PLCE1: variants seen among roughly 807,000 people sequenced by gnomAD.
The protein encoded by PLCE1 is phospholipase C epsilon 1.
In PLCE1, 119 loss-of-function variants were observed where a neutral mutation model predicts 242.8. That is an observed-to-expected ratio of 0.49 (90% CI 0.42 to 0.57). PLCE1 has a LOEUF of 0.57. PLCE1 is among the 20% of genes least tolerant of loss of function. The probability of loss-of-function intolerance (pLI) is 0.00; values close to 1 mark genes in which losing one functional copy is unlikely to be tolerated. For synonymous variants in PLCE1, 945 were observed against 1,017.4 expected (o/e 0.93, Z 1.35); for missense variants, 2,441 against 2,788.8 (o/e 0.88, Z 2.81).
Position 94,144,693 on chromosome 10 carries a change from G to A in PLCE1, c.1492+12234G>A, listed in dbSNP as rs112256616. Among the ~76,000 whole-genome samples, 1,518 of 152,204 alleles carry A rather than the reference G, an allele frequency of 1.0e-2. 30 individuals carry two copies. The highest frequency in any genetic ancestry group is 0.035 in the African/African-American group (1,443 of 41,516). On this transcript the variant is annotated intron_variant, in intron 3 of 32. Coordinates refer to ENST00000371380, the MANE Select transcript of PLCE1 (RefSeq NM_016341.4). ...AGAAGAGGGGCTGAAAGAGTGTCTG[G>A]GCAGAAGCAATCATATGTGCAAAGG...
intron 2 of PLCE1, among the ~76,000 whole-genome samples, chr10:94,102,759 C>T (rs957016985): frequency 9.9e-5 from 15 of 152,166 alleles, no homozygotes; most frequent in Non-Finnish European, 1.3e-4. Context: ...GGTGCCACGA[C>T]GGGTCTTATG....
chr10:94,101,202 C>A (rs2135489596), intron 2 of PLCE1, among the ~76,000 whole-genome samples: 1 of 152,338 alleles, frequency 6.6e-6, no homozygotes, highest in African/African-American at 2.4e-5. Context: ...CTGCGCACCT[C>A]ACCCCTGTGT....
intron 3 of PLCE1, among the ~76,000 whole-genome samples, chr10:94,166,508 C>G (rs2047807022): frequency 6.6e-6 from 1 of 151,800 alleles, no homozygotes; most frequent in Admixed American, 6.6e-5. Context: ...GAGATGCCTT[C>G]TAAAGTCAGA....
chr10:94,148,787 G>A (rs991165883), intron 3 of PLCE1, among the ~76,000 whole-genome samples: 5 of 152,220 alleles, frequency 3.3e-5, no homozygotes, highest in South Asian at 2.1e-4. Context: ...TCAGCAAAGC[G>A]TAGACGTCAT....
At chr10:94,300,725 A>G (rs1270812269) in intron 24 of PLCE1, among the ~76,000 whole-genome samples, 1 of 152,216 alleles carries the variant, frequency 6.6e-6, no homozygotes, top group Non-Finnish European at 1.5e-5. Context: ...TTTTTGGTCA[A>G]GATCTTTTCC....
At chr10:94,264,522 T>C (rs1000896360) in intron 14 of PLCE1, among the ~76,000 whole-genome samples, 1 of 138,486 alleles carries the variant, frequency 7.2e-6, no homozygotes, top group Non-Finnish European at 1.6e-5. Flanking sequence ...ATTTTTTTTT[T>C]TTTTTTTTTT....
rs766555881 is a variant in PLCE1 at position 94,294,909 on chromosome 10, C to CTTT, written c.5167+1292_5167+1294dup. 3.2e-3 allele frequency among the ~76,000 whole-genome samples: 324 copies of CTTT among 101,490 alleles called. 4 individuals carry two copies. The highest frequency in any genetic ancestry group is 6.6e-3 in the African/African-American group (169 of 25,462). The allele number at this position is 101,490 out of a possible 152,430, so 66.6% of individuals were successfully genotyped here. On this transcript the variant is annotated intron_variant, in intron 23 of 32. Transcript: ENST00000371380. ...TGATAGCATTTTACTCATGATAGAA[C>CTTT]TTTTTTTTTTTTTTTTTTTTTTTTG...
In PLCE1 at chr10:94,234,059, G is replaced by C; in HGVS notation, c.1961G>C (p.Arg654Thr). Residue 654 changes from arginine to threonine, a missense_variant, in exon 6 of 33, where the codon AGA becomes ACA. Transcript: ENST00000371380. ...VMEFLAGLRS[R>T]KVLKMWQFMD... ...ATGTCATTTACTTGCAATAGGTCAA[G>C]AAAAGTTTTAAAAATGTGGCAGTTC... is the stretch of plus-strand genomic sequence containing the variant. The C allele has an allele frequency of 1.2e-6, 2 of 1,613,726 alleles. No homozygotes were observed. The highest frequency in any genetic ancestry group is 2.7e-5 in the African/African-American group (2 of 75,038).
intron 1 of PLCE1, among the ~76,000 whole-genome samples, chr10:94,021,552 G>A (rs893610695): frequency 7.2e-5 from 11 of 151,764 alleles, no homozygotes; most frequent in Admixed American, 2.6e-4. Context: ...AAACTCAATC[G>A]ACCATATATA....
At chr10:94,056,312 GA>G (rs1033760974) in intron 2 of PLCE1, among the ~76,000 whole-genome samples, 1 of 152,130 alleles carries the variant, frequency 6.6e-6, no homozygotes, top group Admixed American at 6.5e-5. Context: ...AGAGCCCCTA[GA>G]ATTTATGATT....
chr10:94,327,473 G>A (rs1455856104), intron 32 of PLCE1, among the ~76,000 whole-genome samples: 1 of 152,180 alleles, frequency 6.6e-6, no homozygotes, highest in African/African-American at 2.4e-5. Flanking sequence ...TACTCAGGAG[G>A]CTGAGGCAGG....
chr10:94,031,870 T>C lies in PLCE1; in HGVS notation c.824T>C (p.Met275Thr). 2 of 1,613,862 alleles carry C rather than the reference T, an allele frequency of 1.2e-6. No individual in the cohort carries two copies. Among genetic ancestry groups the C allele is most frequent in the East Asian group, 2.2e-5 (1 of 44,858 alleles). ...GAAGGCTCTTGTGAGAAGGTTGACATGGTATATTCAGGTGATAGCTTTTGT... is the reference window on the plus strand; with the variant it reads ...GAAGGCTCTTGTGAGAAGGTTGACACGGTATATTCAGGTGATAGCTTTTGT... Reference protein sequence around the residue: ...CFEGSCEKVDMVYSGDSFCRK... With the variant: ...CFEGSCEKVDTVYSGDSFCRK... Residue 275 changes from methionine to threonine, a missense_variant, in exon 2 of 33, where the codon ATG (methionine) becomes ACG (threonine). By Grantham distance (81) the Met-to-Thr change is moderately conservative (BLOSUM62 -1). Around this residue, in one of 5 missense-constraint regions of PLCE1, gnomAD observed 393 missense variants for 378.5 expected, o/e 1.04. Transcript: ENST00000371380.
At chr10:94,185,427 C>G (rs1473467456) in intron 4 of PLCE1, among the ~76,000 whole-genome samples, 1 of 152,126 alleles carries the variant, frequency 6.6e-6, no homozygotes, top group African/African-American at 2.4e-5. Flanking sequence ...ACCCAGGAGG[C>G]AGAGGTTGCA....
chr10:94,014,930 C>G (rs913411461), intron 1 of PLCE1, among the ~76,000 whole-genome samples: 6 of 152,218 alleles, frequency 3.9e-5, no homozygotes, highest in African/African-American at 1.4e-4. Flanking sequence ...AATCACTAGC[C>G]TCAGCCTCAT....
At chr10:94,303,829 A>C (rs913539928) in intron 24 of PLCE1, among the ~76,000 whole-genome samples, 1 of 152,184 alleles carries the variant, frequency 6.6e-6, no homozygotes, top group Non-Finnish European at 1.5e-5. Context: ...GGATGGTCGC[A>C]TCTGCACTGA....
intron 3 of PLCE1, among the ~76,000 whole-genome samples, chr10:94,154,234 C>T (rs2047358998): frequency 6.6e-6 from 1 of 152,152 alleles, no homozygotes; most frequent in Admixed American, 6.5e-5. Flanking sequence ...AACAAGCCTT[C>T]CAGTAAATGG....
In PLCE1 at chr10:94,012,845, C is replaced by T. The variant is rs553118331; in HGVS notation, c.-364-17838C>T. Among the ~76,000 whole-genome samples, 3 of 152,288 alleles carry T rather than the reference C, an allele frequency of 2.0e-5. No individual in the cohort carries two copies. In the East Asian group the frequency reaches 5.8e-4, roughly 29 times the overall value. On this transcript the variant is annotated intron_variant, in intron 1 of 32. Transcript: ENST00000371380. ...TCTTACCTTGGCCACTCACTCTTCC[C>T]CAACCCCTCTTTCCTCTATCCTTTA...
chr10:94,038,454 T>C (rs1303584308), intron 2 of PLCE1, among the ~76,000 whole-genome samples: 1 of 152,162 alleles, frequency 6.6e-6, no homozygotes, highest in Non-Finnish European at 1.5e-5. Flanking sequence ...ATAGGTCTTC[T>C]AGAGCTCAGG....
At chr10:94,079,242 T>C (rs749076424) in intron 2 of PLCE1, among the ~76,000 whole-genome samples, 3 of 152,114 alleles carry the variant, frequency 2.0e-5, no homozygotes, top group Non-Finnish European at 2.9e-5. Context: ...AGAGAAAGCA[T>C]TGGAGCAAAT....
Sources: gnomAD v4.1 joint callset for allele counts (sites outside exome capture counted in the v4.1 genomes callset) on GRCh38, gnomAD v4.1.1 for gene constraint, gnomAD v4.1.1 regional missense constraint, MANE v1.5 for transcripts, NCBI Gene and HGNC (gene_info 2026-07-23, HGNC 2026-07-21) for gene names.